Variants in RFX3 observed in about 807,000 individuals in gnomAD.
RFX3 encodes transcription factor RFX3.
In RFX3, 14 loss-of-function variants were observed where a neutral mutation model predicts 98.6. The observed-to-expected ratio is 0.14, with a 90% confidence interval of 0.09 to 0.22. RFX3 has a LOEUF of 0.22. Ranked by LOEUF, RFX3 falls within the 10% of genes least tolerant of loss-of-function variation. The probability of loss-of-function intolerance (pLI) is 1.00; values close to 1 mark genes in which losing one functional copy is unlikely to be tolerated. For missense variants in RFX3, 639 were observed against 926.9 expected (o/e 0.69, Z 4.03); for synonymous variants, 383 against 328.4 (o/e 1.17, Z -1.80).
At chr9:3,509,414 C>T (rs554145467) in intron 1 of RFX3, among the ~76,000 whole-genome samples, 6 of 151,934 alleles carry the variant, frequency 3.9e-5, no homozygotes, top group African/African-American at 1.2e-4. Context: ...AAAGTAAAGA[C>T]GTGCATACCA....
At position 3,524,827 on chromosome 9, in the gene RFX3, GCACACACACACACACA is replaced by G. The variant is rs34119220; in HGVS notation, c.-9+904_-9+919del. On this transcript the variant is annotated intron_variant, in intron 1 of 16. Coordinates refer to ENST00000617270, the MANE Select transcript of RFX3 (RefSeq NM_001282116.2). ...GCCCTGCATCCGGTTTAAATCACAAGCACACACACACACACACACACACACACACACACACACACAC... is the reference window on the plus strand; with the variant it reads ...GCCCTGCATCCGGTTTAAATCACAAGCACACACACACACACACACACACAC... Among the ~76,000 whole-genome samples, 1,032 of 128,224 alleles carry G rather than the reference GCACACACACACACACA, an allele frequency of 8.0e-3. 5 individuals are homozygous for G. Among genetic ancestry groups the G allele is most frequent in the Middle Eastern group, 0.012 (3 of 260 alleles). 84.1% of individuals were successfully genotyped at this position (128,224 alleles called of 152,430 possible).
intron 2 of RFX3, among the ~76,000 whole-genome samples, chr9:3,387,895 A>G (rs559930073): frequency 6.6e-6 from 1 of 152,290 alleles, no homozygotes; most frequent in African/African-American, 2.4e-5. Context: ...GACCCTGAAC[A>G]GAAAAGAAAG....
rs147114764 is a variant in RFX3, at chr9:3,234,486, A to G, written c.1969-5597T>C. Among the ~76,000 whole-genome samples the G allele has an allele frequency of 4.8e-4, 73 of 152,290 alleles. No homozygotes were observed. In the East Asian group the frequency reaches 5.2e-3, roughly 11 times the overall value. ...AAACCCCATCTCTACAAAAAATACA[A>G]AAAAGTTAGCTGGGTGTGGTGGCAC... On this transcript the variant is annotated intron_variant, in intron 15 of 16. Transcript: ENST00000617270.
At chr9:3,349,381 C>T (rs1329761779) in intron 2 of RFX3, among the ~76,000 whole-genome samples, 1 of 151,970 alleles carries the variant, frequency 6.6e-6, no homozygotes, top group Non-Finnish European at 1.5e-5. Flanking sequence ...TAAAATAAGT[C>T]ATCAGCTTGA....
chr9:3,428,017 G>A (rs1388672662), intron 1 of RFX3, among the ~76,000 whole-genome samples: 1 of 152,058 alleles, frequency 6.6e-6, no homozygotes, highest in African/African-American at 2.4e-5. Context: ...TCCCTAGGCA[G>A]AAATGCAGAG....
At chr9:3,461,675 T>A (rs1026701511) in intron 1 of RFX3, among the ~76,000 whole-genome samples, 2 of 151,948 alleles carry the variant, frequency 1.3e-5, no homozygotes, top group African/African-American at 4.8e-5. Context: ...TACAAGAGAC[T>A]TCACAAAATG....
At chr9:3,303,209 T>C (rs1293229280) in intron 4 of RFX3, among the ~76,000 whole-genome samples, 1 of 151,884 alleles carries the variant, frequency 6.6e-6, no homozygotes, top group Admixed American at 6.6e-5. Flanking sequence ...AAAAGAGATA[T>C]ATTACAGAAA....
chr9:3,322,788 G>C (rs1259483112), intron 4 of RFX3, among the ~76,000 whole-genome samples: 2 of 152,142 alleles, frequency 1.3e-5, no homozygotes, highest in Admixed American at 6.6e-5. Flanking sequence ...AGTTGTTATA[G>C]TTTTTAATTT....
At chr9:3,290,715 C>T (rs552861123) in intron 6 of RFX3, among the ~76,000 whole-genome samples, 1 of 152,272 alleles carries the variant, frequency 6.6e-6, no homozygotes, top group South Asian at 2.1e-4. Flanking sequence ...TATGAGAGAG[C>T]TAAACCTTCA....
intron 1 of RFX3, among the ~76,000 whole-genome samples, chr9:3,401,266 C>G (rs973137553): frequency 5.9e-5 from 9 of 152,136 alleles, no homozygotes; most frequent in African/African-American, 2.2e-4. Flanking sequence ...TATAACCCTC[C>G]CGCCAAATTT....
chr9:3,472,215 G>A (rs1848840399), intron 1 of RFX3, among the ~76,000 whole-genome samples: 1 of 152,158 alleles, frequency 6.6e-6, no homozygotes, highest in Non-Finnish European at 1.5e-5. Context: ...AGAAGGCCAA[G>A]AATATTAAAG....
At chr9:3,451,921 G>A (rs1048689422) in intron 1 of RFX3, among the ~76,000 whole-genome samples, 39 of 150,198 alleles carry the variant, frequency 2.6e-4, no homozygotes, top group African/African-American at 9.6e-4. Context: ...AGTCAATTTT[G>A]GAATTGTACA....
intron 1 of RFX3, among the ~76,000 whole-genome samples, chr9:3,467,385 A>C (rs1044929357): frequency 6.6e-6 from 1 of 150,492 alleles, no homozygotes; most frequent in African/African-American, 2.4e-5. Context: ...CTTTCAAGGC[A>C]TCAGGGTTTT....
At chr9:3,514,861 G>A (rs1818000416) in intron 1 of RFX3, among the ~76,000 whole-genome samples, 2 of 152,134 alleles carry the variant, frequency 1.3e-5, no homozygotes, top group Non-Finnish European at 2.9e-5. Flanking sequence ...ACCATGGCAC[G>A]TAAAATACAT....
chr9:3,395,869 ATT>A (rs1413198292), intron 1 of RFX3, among the ~76,000 whole-genome samples: 1 of 152,128 alleles, frequency 6.6e-6, no homozygotes, highest in African/African-American at 2.4e-5. Flanking sequence ...CTTCTATCTC[ATT>A]TGTTATAAAT....
intron 1 of RFX3, among the ~76,000 whole-genome samples, chr9:3,414,868 A>ATATATGAGTATATATG (rs1842810758): frequency 2.5e-5 from 3 of 118,552 alleles, no homozygotes; most frequent in African/African-American, 1.0e-4. Context: ...GTATATATGT[A>ATATATGAGTATATATG]TATATATGAG....
intron 4 of RFX3, among the ~76,000 whole-genome samples, chr9:3,303,638 T>C (rs1020829374): frequency 2.7e-5 from 4 of 149,408 alleles, no homozygotes; most frequent in Non-Finnish European, 4.5e-5. Flanking sequence ...CCAGCACTTC[T>C]TTTTCTGGGA....
At chr9:3,317,610 A>T (rs773628878) in intron 4 of RFX3, among the ~76,000 whole-genome samples, 1 of 152,260 alleles carries the variant, frequency 6.6e-6, no homozygotes, top group Non-Finnish European at 1.5e-5. Flanking sequence ...AAATTTTTAC[A>T]ATCTACCCAT....
chr9:3,329,452 C>T (rs1832340406), intron 4 of RFX3, among the ~76,000 whole-genome samples: 1 of 145,636 alleles, frequency 6.9e-6, no homozygotes, highest in South Asian at 2.1e-4. Context: ...AACAATAACC[C>T]ACTGTGTTAA....
Sources: gnomAD v4.1 joint callset for allele counts (sites outside exome capture counted in the v4.1 genomes callset) on GRCh38, gnomAD v4.1.1 for gene constraint, MANE v1.5 for transcripts, NCBI Gene and HGNC (gene_info 2026-07-23, HGNC 2026-07-21) for gene names.